The following MARCHF1 variants were observed in gnomAD, a reference collection of about 807,000 sequenced individuals.
The protein encoded by MARCHF1 is membrane associated ring-CH-type finger 1.
In MARCHF1, 40 loss-of-function variants were observed where a neutral mutation model predicts 54.2. The ratio of observed to expected loss-of-function variants is 0.74; its 90% CI spans 0.57 to 0.96. MARCHF1 has a LOEUF of 0.96. MARCHF1 is among the 40% of genes least tolerant of loss of function. The probability of loss-of-function intolerance (pLI) is 0.00; values close to 1 mark genes in which losing one functional copy is unlikely to be tolerated. For synonymous variants in MARCHF1, 236 were observed against 236.3 expected (o/e 1.00, Z 0.01); for missense variants, 586 against 656.5 (o/e 0.89, Z 1.17).
intron 5 of MARCHF1, among the ~76,000 whole-genome samples, chr4:163,633,636 T>C (rs1411277239): frequency 1.3e-5 from 2 of 152,188 alleles, no homozygotes; most frequent in African/African-American, 4.8e-5. Flanking sequence ...TACCTGAAAG[T>C]GATGGGGAGA....
At position 164,194,991 on chromosome 4, in the gene MARCHF1, T is replaced by A. The variant is rs528090222; in HGVS notation, c.-322-83329A>T. Among the ~76,000 whole-genome samples, 9 of 148,220 alleles carry A rather than the reference T, an allele frequency of 6.1e-5. No individual in the cohort carries two copies. In the East Asian group the frequency reaches 1.5e-3, roughly 24 times the overall value. On this transcript the variant is annotated intron_variant, in intron 1 of 9. Transcript: ENST00000514618. ...ACCCCCACCCCCTGACAGGCCCCAGTGTGTGATGTTCCCCGCCCTGTATCC... is the reference window on the plus strand; with the variant it reads ...ACCCCCACCCCCTGACAGGCCCCAGAGTGTGATGTTCCCCGCCCTGTATCC...
chr4:164,220,747 CTATATATGTAATATATATGA>C (rs1353602804), intron 1 of MARCHF1, among the ~76,000 whole-genome samples: 2 of 142,218 alleles, frequency 1.4e-5, no homozygotes, highest in Non-Finnish European at 3.0e-5. Flanking sequence ...AATATATATG[CTATATATGTAATATATATGA>C]TATATTTTTT....
Position 163,695,482 on chromosome 4 carries a change from G to T in MARCHF1, c.162+5331C>A, listed in dbSNP as rs544049362. 7.2e-4 allele frequency among the ~76,000 whole-genome samples: 109 copies of T among 152,150 alleles called. No individual in the cohort carries two copies. The South Asian group carries it at 8.1e-3, about 11-fold the overall frequency. On this transcript the variant is annotated intron_variant, in intron 5 of 9. Coordinates refer to ENST00000514618, the MANE Select transcript of MARCHF1 (RefSeq NM_001394959.1). ...GTGCACATTTTATAAACTTTACCTT[G>T]AAATTTTGTAAGATATTTTAAGGTA...
intron 4 of MARCHF1, among the ~76,000 whole-genome samples, chr4:163,764,653 C>T (rs751869216): frequency 9.2e-5 from 14 of 151,954 alleles, no homozygotes; most frequent in East Asian, 3.9e-4. Flanking sequence ...TTCCTGGTAA[C>T]GACTGCAGTG....
intron 1 of MARCHF1, among the ~76,000 whole-genome samples, chr4:164,157,941 G>C (rs1194262434): frequency 6.6e-6 from 1 of 152,044 alleles, no homozygotes; most frequent in Non-Finnish European, 1.5e-5. Context: ...AACTCCAATG[G>C]CAATTCCAGC....
intron 2 of MARCHF1, among the ~76,000 whole-genome samples, chr4:163,990,386 ACAAAC>A (rs1447748630): frequency 5.3e-5 from 8 of 152,186 alleles, no homozygotes; most frequent in African/African-American, 2.4e-5. Flanking sequence ...TGTTTCTGAT[ACAAAC>A]CAATTTTGAG....
intron 1 of MARCHF1, among the ~76,000 whole-genome samples, chr4:164,143,645 C>G (rs1045990380): frequency 6.6e-6 from 1 of 152,146 alleles, no homozygotes; most frequent in Non-Finnish European, 1.5e-5. Flanking sequence ...CACCACCAGG[C>G]CTGCCCTAAA....
intron 1 of MARCHF1, among the ~76,000 whole-genome samples, chr4:164,184,272 T>C (rs977790652): frequency 2.0e-5 from 3 of 152,180 alleles, no homozygotes; most frequent in African/African-American, 4.8e-5. Context: ...CCATTGATTA[T>C]AGGTACAAAT....
chr4:163,923,396 AC>A (rs549908733), intron 3 of MARCHF1, among the ~76,000 whole-genome samples: 25 of 152,208 alleles, frequency 1.6e-4, no homozygotes, highest in African/African-American at 5.1e-4. Context: ...TTTCCTTTCT[AC>A]ATGTTAACAG....
chr4:163,739,471 T>C (rs1458978821), intron 4 of MARCHF1, among the ~76,000 whole-genome samples: 1 of 152,182 alleles, frequency 6.6e-6, no homozygotes, highest in Admixed American at 6.5e-5. Flanking sequence ...AATGGCAAAA[T>C]TGTATGTGTG....
intron 9 of MARCHF1, among the ~76,000 whole-genome samples, chr4:163,541,538 C>T (rs959582980): frequency 6.6e-6 from 1 of 151,962 alleles, no homozygotes; most frequent in African/African-American, 2.4e-5. Flanking sequence ...TTTTTCCTGT[C>T]ATCGCAGGGG....
chr4:164,310,415 TCA>T (rs1425690828), intron 1 of MARCHF1, among the ~76,000 whole-genome samples: 2 of 152,068 alleles, frequency 1.3e-5, no homozygotes, highest in Admixed American at 6.6e-5. Flanking sequence ...TGTGAAATAA[TCA>T]CATTTTTATT....
chr4:164,249,239 G>T (rs1010015204), intron 1 of MARCHF1, among the ~76,000 whole-genome samples: 2 of 152,084 alleles, frequency 1.3e-5, no homozygotes, highest in South Asian at 4.1e-4. Context: ...CAAGTGAAGC[G>T]TGAAGTTGGG....
chr4:164,304,346 C>T (rs1421110578), intron 1 of MARCHF1, among the ~76,000 whole-genome samples: 2 of 152,216 alleles, frequency 1.3e-5, no homozygotes, highest in Non-Finnish European at 1.5e-5. Context: ...CGGGATATTA[C>T]TAACTAGTAA....
intron 4 of MARCHF1, among the ~76,000 whole-genome samples, chr4:163,787,101 C>G (rs1391830567): frequency 6.6e-6 from 1 of 151,340 alleles, no homozygotes; most frequent in Non-Finnish European, 1.5e-5. Flanking sequence ...AGATATAAAC[C>G]AAAGATCTAA....
chr4:163,544,152 A>G (rs559711916), intron 9 of MARCHF1, among the ~76,000 whole-genome samples: 1 of 152,284 alleles, frequency 6.6e-6, no homozygotes, highest in South Asian at 2.1e-4. Flanking sequence ...GCCAGTACCT[A>G]TATCAAGAGA....
intron 1 of MARCHF1, among the ~76,000 whole-genome samples, chr4:164,213,557 C>T (rs955277758): frequency 6.6e-6 from 1 of 151,830 alleles, no homozygotes; most frequent in Non-Finnish European, 1.5e-5. Context: ...TTTAAAAATT[C>T]TACGTAACAC....
chr4:164,351,134 G>A (rs1162639578), intron 1 of MARCHF1, among the ~76,000 whole-genome samples: 1 of 152,288 alleles, frequency 6.6e-6, no homozygotes, highest in Non-Finnish European at 1.5e-5. Context: ...CTCGCTGATT[G>A]CTAGCACAGC....
intron 1 of MARCHF1, among the ~76,000 whole-genome samples, chr4:164,332,514 G>A (rs1415241557): frequency 1.3e-5 from 2 of 152,210 alleles, no homozygotes; most frequent in African/African-American, 4.8e-5. Flanking sequence ...TGGAGCAGGG[G>A]AAGATGCTGG....
Sources: allele counts gnomAD v4.1 joint callset (sites outside exome capture counted in the v4.1 genomes callset), GRCh38; gene constraint gnomAD v4.1.1; transcripts MANE v1.5; gene names NCBI Gene and HGNC (gene_info 2026-07-23, HGNC 2026-07-21).